Variants in ANK3 observed in about 807,000 individuals in gnomAD.
ANK3 encodes the protein ankyrin 3, also known as ankyrin-3.
In ANK3, 57 loss-of-function variants were observed where a neutral mutation model predicts 370.9. That is an observed-to-expected ratio of 0.15 (90% CI 0.12 to 0.19). The LOEUF (loss-of-function observed/expected upper bound fraction) is 0.19. Among genes scored for constraint, ANK3 ranks in the 10% least tolerant of loss-of-function variants. ANK3 has a pLI of 1.00. For synonymous variants in ANK3, 1,929 were observed against 1,946.3 expected (o/e 0.99, Z 0.23); for missense variants, 4,439 against 5,302.1 (o/e 0.84, Z 5.06).
chr10:60,473,714 G>A lies in ANK3; in HGVS notation c.96+141472C>T, dbSNP rs150107102. ...GAAGCATAAAAACCCAAGGGCAAAT[G>A]TGGACATCTTCCTAGAGCGCTGGTT... is the stretch of plus-strand genomic sequence containing the variant. On this transcript the variant is annotated intron_variant, in intron 2 of 43. Coordinates refer to the ANK3 transcript ENST00000373827. Among the ~76,000 whole-genome samples the A allele has an allele frequency of 3.4e-3, 519 of 152,216 alleles. 2 individuals are homozygous for A. The highest frequency in any genetic ancestry group is 0.012 in the African/African-American group (502 of 41,548).
At position 60,134,358 on chromosome 10, in the gene ANK3, A is replaced by G; in HGVS notation, c.2754T>C (p.Ser918=). ...GARSASLRSF[S]SDRSYTLNRS... ...TGTTCAAGGTGTAAGACCTATCCGAACTGAAGGAGCGGAGGCTGTTGTATT... is the reference window on the plus strand; with the variant it reads ...TGTTCAAGGTGTAAGACCTATCCGAGCTGAAGGAGCGGAGGCTGTTGTATT... The change falls in exon 25 of 44, where the codon AGT becomes AGC. Residue 918 remains serine, a synonymous_variant. Transcript: ENST00000280772. 1 of 1,613,456 alleles carries G rather than the reference A, an allele frequency of 6.2e-7. No homozygotes were observed.
chr10:60,500,798 A>G (rs1260629137), intron 2 of ANK3, among the ~76,000 whole-genome samples: 1 of 152,214 alleles, frequency 6.6e-6, no homozygotes, highest in Non-Finnish European at 1.5e-5. Flanking sequence ...GAACCACTGC[A>G]CTAGAGGGTA....
intron 8 of ANK3, among the ~76,000 whole-genome samples, chr10:60,219,787 A>G (rs2097009954): frequency 6.6e-6 from 1 of 152,192 alleles, no homozygotes. Context: ...GGATTGTGTG[A>G]GCAGATATTG....
At chr10:60,190,117 C>A (rs1005922530) in intron 16 of ANK3, among the ~76,000 whole-genome samples, 5 of 152,134 alleles carry the variant, frequency 3.3e-5, no homozygotes, top group African/African-American at 9.7e-5. Context: ...TTTCCTGAAA[C>A]CTCATCACAT....
At chr10:60,316,367 G>A (rs2047411941) in intron 1 of ANK3, among the ~76,000 whole-genome samples, 1 of 152,102 alleles carries the variant, frequency 6.6e-6, no homozygotes, top group African/African-American at 2.4e-5. Context: ...GTCAGGTTAG[G>A]GGCTGACAAC....
At chr10:60,585,865 G>A (rs559640508) in intron 2 of ANK3, among the ~76,000 whole-genome samples, 4 of 152,028 alleles carry the variant, frequency 2.6e-5, no homozygotes, top group Admixed American at 2.0e-4. Context: ...CTCTACCAAA[G>A]ATTCAAAAAT....
intron 2 of ANK3, among the ~76,000 whole-genome samples, chr10:60,491,805 A>G (rs548783510): frequency 3.4e-4 from 52 of 152,166 alleles, no homozygotes; most frequent in Non-Finnish European, 4.1e-4. Context: ...GGTACCTCTG[A>G]GTCCTTGGGC....
In ANK3 at chr10:60,296,491, C is replaced by T. The variant is rs552372840; in HGVS notation, c.115-16852G>A. 1.6e-3 allele frequency among the ~76,000 whole-genome samples: 251 copies of T among 152,258 alleles called. 1 individual carries two copies. The highest frequency in any genetic ancestry group is 5.8e-3 in the African/African-American group (240 of 41,558). The stretch of plus-strand genomic sequence containing the variant: ...AAAGTTAATTAGAGCATGTTCCTTT[C>T]AAACATTTTTAAAAATATTTAAATA... On this transcript the variant is annotated intron_variant, in intron 1 of 43. Coordinates refer to ENST00000280772, the MANE Select transcript of ANK3 (RefSeq NM_020987.5).
chr10:60,169,194 C>T (rs1043067082), intron 21 of ANK3, among the ~76,000 whole-genome samples: 2 of 152,110 alleles, frequency 1.3e-5, no homozygotes, highest in African/African-American at 4.8e-5. Context: ...TTTCCACAGC[C>T]TTGCCAGCAT....
At chr10:60,260,484 T>C (rs1208653942) in intron 7 of ANK3, among the ~76,000 whole-genome samples, 1 of 152,130 alleles carries the variant, frequency 6.6e-6, no homozygotes, top group Non-Finnish European at 1.5e-5. Flanking sequence ...CAGCAAAAAA[T>C]AAGACTTCAA....
intron 23 of ANK3, among the ~76,000 whole-genome samples, chr10:60,161,971 G>A (rs919659606): frequency 1.3e-5 from 2 of 152,072 alleles, no homozygotes; most frequent in African/African-American, 4.8e-5. Context: ...CAATTACTCT[G>A]ATTTGATCAT....
chr10:60,536,477 A>G (rs1215298001), intron 2 of ANK3, among the ~76,000 whole-genome samples: 1 of 152,090 alleles, frequency 6.6e-6, no homozygotes, highest in African/African-American at 2.4e-5. Flanking sequence ...TTACAAACTA[A>G]ACATGGAAAC....
At position 60,166,864 on chromosome 10, in the gene ANK3, T is replaced by G; in HGVS notation, c.2511A>C (p.Pro837=). The change falls in exon 22 of 44, where the codon CCA becomes CCC. Residue 837 remains proline (P), a synonymous_variant. Coordinates refer to ENST00000280772, the MANE Select transcript of ANK3 (RefSeq NM_020987.5). ...TVTEKHKMNV[P]ETMNEVLDMS... is the part of the protein sequence containing the mutation. ...TATCAAGAACTTCATTCATCGTTTCTGGAACATTCATTTTGTGCTTCTCTG... is the reference window on the plus strand; with the variant it reads ...TATCAAGAACTTCATTCATCGTTTCGGGAACATTCATTTTGTGCTTCTCTG... 6.2e-7 allele frequency: 1 copy of G among 1,614,030 alleles called. No individual in the cohort carries two copies.
At chr10:60,595,011 T>C (rs780167971) in intron 2 of ANK3, among the ~76,000 whole-genome samples, 10 of 152,168 alleles carry the variant, frequency 6.6e-5, no homozygotes, top group Non-Finnish European at 1.0e-4. Flanking sequence ...GTCTATGGTG[T>C]CTGAAGGAGT....
chr10:60,300,967 C>T (rs1218122959), intron 1 of ANK3, among the ~76,000 whole-genome samples: 1 of 151,632 alleles, frequency 6.6e-6, no homozygotes, highest in Non-Finnish European at 1.5e-5. Flanking sequence ...TGAGGGCATA[C>T]TTTACTGCCG....
At chr10:60,053,105 A>G (rs1380562244) in intron 42 of ANK3, among the ~76,000 whole-genome samples, 1 of 152,212 alleles carries the variant, frequency 6.6e-6, no homozygotes, top group African/African-American at 2.4e-5. Context: ...TGCTATTATT[A>G]TTTTAAATTT....
chr10:60,088,329 T>C lies in ANK3; in HGVS notation c.3358A>G (p.Lys1120Glu), dbSNP rs564560400. The C allele has an allele frequency of 6.2e-7, 1 of 1,614,184 alleles. No homozygotes were observed. The highest frequency in any genetic ancestry group is 1.3e-5 in the African/African-American group (1 of 75,064). ...TTCGTGATAATCCTGCAGATACGCT[T>C]TTTCCCTAACTCTTCTGGGCTATCA... ...ELDSPEELGK[K>E]RICRIITKDF... Residue 1120 changes from lysine to glutamate, a missense_variant, in exon 29 of 44, where the codon AAG (lysine) becomes GAG (glutamate). By Grantham distance (56) the Lys-to-Glu change is moderately conservative. Coordinates refer to ENST00000280772, the MANE Select transcript of ANK3 (RefSeq NM_020987.5).
At chr10:60,553,608 C>T (rs2077141128) in intron 2 of ANK3, among the ~76,000 whole-genome samples, 1 of 152,042 alleles carries the variant, frequency 6.6e-6, no homozygotes, top group Non-Finnish European at 1.5e-5. Context: ...CTCTTCAGTG[C>T]CTTGGGGAAC....
At chr10:60,706,468 C>G (rs1169627712) in intron 1 of ANK3, among the ~76,000 whole-genome samples, 2 of 152,052 alleles carry the variant, frequency 1.3e-5, no homozygotes, top group East Asian at 3.9e-4. Context: ...AGAAACATCC[C>G]AAGCCTGTGA....
Sources: gnomAD v4.1 joint callset for allele counts (sites outside exome capture counted in the v4.1 genomes callset) on GRCh38, gnomAD v4.1.1 for gene constraint, MANE v1.5 for transcripts, NCBI Gene and HGNC (gene_info 2026-07-23, HGNC 2026-07-21) for gene names.